RSPO2: variants seen among roughly 807,000 people sequenced by gnomAD.
RSPO2 encodes R-spondin-2.
RSPO2 carries 14 observed loss-of-function variants against 30.9 expected under a neutral mutation model. The ratio of observed to expected loss-of-function variants is 0.45; its 90% confidence interval spans 0.30 to 0.71. RSPO2 has a LOEUF of 0.71. RSPO2 is among the 30% of genes least tolerant of loss of function. RSPO2 has a pLI of 0.08. For missense variants in RSPO2, 264 were observed against 301.9 expected, an observed-to-expected ratio of 0.87 and a Z score of 0.93; for synonymous variants, 107 against 96.4, an observed-to-expected ratio of 1.11 and a Z score of -0.64.
chr8:107,980,367 C>T (rs1480735441), intron 3 of RSPO2, among the ~76,000 whole-genome samples: 1 of 152,152 alleles, frequency 6.6e-6, no homozygotes, highest in African/African-American at 2.4e-5. Context: ...CAGATAAATA[C>T]CTACTAATAC....
intron 3 of RSPO2, among the ~76,000 whole-genome samples, chr8:107,980,528 ACT>A (rs1814389800): frequency 6.6e-6 from 1 of 152,104 alleles, no homozygotes; most frequent in African/African-American, 2.4e-5. Context: ...AAGTAAAATA[ACT>A]CTAATACATG....
chr8:108,034,728 G>A (rs1811537985), intron 2 of RSPO2, among the ~76,000 whole-genome samples: 1 of 152,154 alleles, frequency 6.6e-6, no homozygotes, highest in African/African-American at 2.4e-5. Flanking sequence ...ATCAAAATAG[G>A]AGATTTTGCT....
intron 5 of RSPO2, among the ~76,000 whole-genome samples, chr8:107,906,683 G>A (rs1343026041): frequency 1.3e-5 from 2 of 151,886 alleles, no homozygotes; most frequent in East Asian, 3.9e-4. Context: ...GTTCAAGTGG[G>A]CAAATATGAT....
At chr8:107,941,927 T>A (rs1812909732) in intron 5 of RSPO2, among the ~76,000 whole-genome samples, 1 of 152,232 alleles carries the variant, frequency 6.6e-6, no homozygotes, top group Non-Finnish European at 1.5e-5. Flanking sequence ...GAAATCTATA[T>A]AACTTTCTCC....
intron 2 of RSPO2, among the ~76,000 whole-genome samples, chr8:108,062,936 C>A (rs1812521614): frequency 6.6e-6 from 1 of 151,806 alleles, no homozygotes; most frequent in African/African-American, 2.4e-5. Flanking sequence ...AAAACCACAT[C>A]ATTATCTCAA....
At chr8:108,038,757 G>T (rs558558244) in intron 2 of RSPO2, among the ~76,000 whole-genome samples, 1,465 of 145,166 alleles carry the variant, frequency 0.01, 6 homozygotes, top group Non-Finnish European at 0.016. Context: ...TTGTTAGTGG[G>T]TTTTTTTTTT....
intron 2 of RSPO2, among the ~76,000 whole-genome samples, chr8:108,027,372 T>C (rs776726789): frequency 1.1e-4 from 17 of 152,188 alleles, no homozygotes; most frequent in Non-Finnish European, 8.8e-5. Context: ...TCAGTGCCAA[T>C]AACAAGCCAC....
intron 2 of RSPO2, among the ~76,000 whole-genome samples, chr8:108,063,114 A>G (rs4448247): frequency 0.17 from 25,827 of 151,790 alleles, 2,868 homozygotes; most frequent in Non-Finnish European, 0.24. Flanking sequence ...CCCTTTGAAA[A>G]CTGGCACAAG....
At chr8:108,075,785 T>A (rs1253270358) in intron 2 of RSPO2, among the ~76,000 whole-genome samples, 2 of 151,798 alleles carry the variant, frequency 1.3e-5, no homozygotes, top group Non-Finnish European at 2.9e-5. Flanking sequence ...CTTCAATTTT[T>A]AAAAAAACAG....
chr8:108,014,701 G>T (rs890995829), intron 2 of RSPO2, among the ~76,000 whole-genome samples: 2 of 151,994 alleles, frequency 1.3e-5, no homozygotes, highest in Admixed American at 1.3e-4. Context: ...TCAGGTGGTG[G>T]GGGGGCTAGG....
At chr8:107,942,637 T>C (rs1023445394) in intron 5 of RSPO2, among the ~76,000 whole-genome samples, 3 of 152,162 alleles carry the variant, frequency 2.0e-5, no homozygotes, top group Non-Finnish European at 4.4e-5. Flanking sequence ...CTTAGGAAAA[T>C]CCAGATAACA....
intron 2 of RSPO2, among the ~76,000 whole-genome samples, chr8:108,057,098 A>AT (rs1182844989): frequency 7.2e-6 from 1 of 139,510 alleles, no homozygotes; most frequent in Non-Finnish European, 1.6e-5. Flanking sequence ...AAAAAGACGT[A>AT]TAAAATATAA....
chr8:108,038,814 G>T (rs758606612), intron 2 of RSPO2, among the ~76,000 whole-genome samples: 1 of 151,542 alleles, frequency 6.6e-6, no homozygotes, highest in East Asian at 1.9e-4. Context: ...TGTTTATTTC[G>T]ACATAAGGCT....
intron 2 of RSPO2, among the ~76,000 whole-genome samples, chr8:107,992,222 C>T (rs1228392363): frequency 7.8e-6 from 1 of 128,934 alleles, no homozygotes; most frequent in Non-Finnish European, 1.6e-5. Flanking sequence ...TACTATACAG[C>T]CATAAAAAAG....
intron 5 of RSPO2, among the ~76,000 whole-genome samples, chr8:107,918,509 A>G (rs1812049926): frequency 6.6e-6 from 1 of 152,152 alleles, no homozygotes; most frequent in Non-Finnish European, 1.5e-5. Flanking sequence ...CAGTCCCTGT[A>G]CAAGGTTCCT....
rs185112580 is a variant in RSPO2, at chr8:107,899,754, A to G, written c.*1321T>C. On this transcript the variant is annotated 3_prime_UTR_variant, in exon 6 of 6. Coordinates refer to ENST00000276659, the MANE Select transcript of RSPO2 (RefSeq NM_178565.5). ...TGAAAAAGCCAATTCACAACCTTCT[A>G]AAAACTGGTTCCCCTAAAAGGACAA... is the stretch of plus-strand genomic sequence containing the variant. 2 of 152,328 alleles carry G rather than the reference A, an allele frequency of 1.3e-5. No individual in the cohort carries two copies. The highest frequency in any genetic ancestry group is 6.5e-5 in the Admixed American group (1 of 15,298). 9.4% of individuals were successfully genotyped at this position (152,328 alleles called of 1,614,324 possible).
At chr8:108,019,989 C>T (rs986143772) in intron 2 of RSPO2, among the ~76,000 whole-genome samples, 7 of 151,638 alleles carry the variant, frequency 4.6e-5, no homozygotes, top group Non-Finnish European at 1.0e-4. Flanking sequence ...TTTCCCAGAC[C>T]TTCTGGCAGT....
intron 5 of RSPO2, among the ~76,000 whole-genome samples, chr8:107,950,547 C>A (rs1813209666): frequency 1.3e-5 from 2 of 150,792 alleles, no homozygotes; most frequent in African/African-American, 2.4e-5. Context: ...TTACTAAATC[C>A]TTTGAGTAAT....
chr8:107,989,454 A>C, intron 2 of RSPO2: 1 of 495,742 alleles, frequency 2.0e-6, no homozygotes. Flanking sequence ...GGAAACTCAG[A>C]GGCAGAGTTG....
Sources: gnomAD v4.1 joint callset for allele counts (sites outside exome capture counted in the v4.1 genomes callset) on GRCh38, gnomAD v4.1.1 for gene constraint, MANE v1.5 for transcripts, NCBI Gene and HGNC (gene_info 2026-07-23, HGNC 2026-07-21) for gene names.